SHISA9: variants seen among roughly 807,000 people sequenced by gnomAD.
SHISA9 encodes the protein protein shisa-9.
A neutral mutation model predicts 38.0 loss-of-function variants in SHISA9; 13 were observed. The observed-to-expected ratio is 0.34, with a 90% confidence interval of 0.22 to 0.54. The LOEUF is 0.54. Ranked by LOEUF, SHISA9 falls within the 20% of genes least tolerant of loss-of-function variation. The probability of loss-of-function intolerance (pLI) is 0.91; values close to 1 mark genes in which losing one functional copy is unlikely to be tolerated. For synonymous variants in SHISA9, 275 were observed against 242.0 expected, an observed-to-expected ratio of 1.14 and a Z score of -1.27; for missense variants, 538 against 575.8, an observed-to-expected ratio of 0.93 and a Z score of 0.67.
chr16:13,207,971 A>C (rs2051082082), intron 3 of SHISA9, among the ~76,000 whole-genome samples: 1 of 152,206 alleles, frequency 6.6e-6, no homozygotes, highest in South Asian at 2.1e-4. Context: ...AATCTTTAGC[A>C]TTCACTGGTA....
At chr16:12,945,226 C>T (rs368573798) in intron 2 of SHISA9, among the ~76,000 whole-genome samples, 1 of 152,016 alleles carries the variant, frequency 6.6e-6, no homozygotes, top group Non-Finnish European at 1.5e-5. Context: ...GTTGAAGGAT[C>T]GCTATAGGGA....
intron 2 of SHISA9, among the ~76,000 whole-genome samples, chr16:13,007,498 A>C (rs1440344729): frequency 6.6e-6 from 1 of 152,146 alleles, no homozygotes; most frequent in East Asian, 1.9e-4. Flanking sequence ...TATCCACTGC[A>C]ACTTATCTCT....
At chr16:12,970,233 A>T (rs2072036974) in intron 2 of SHISA9, among the ~76,000 whole-genome samples, 1 of 145,766 alleles carries the variant, frequency 6.9e-6, no homozygotes, top group Non-Finnish European at 1.5e-5. Context: ...ACATGGATGT[A>T]TTGTGTAGTG....
chr16:12,903,257 C>T (rs80345602), intron 1 of SHISA9, among the ~76,000 whole-genome samples: 3,063 of 152,292 alleles, frequency 0.02, 109 homozygotes, highest in African/African-American at 0.07. Flanking sequence ...CGCCCCTTTA[C>T]CCACCTCATC....
intron 2 of SHISA9, among the ~76,000 whole-genome samples, chr16:12,955,969 C>A (rs963019327): frequency 6.6e-6 from 1 of 152,134 alleles, no homozygotes; most frequent in Non-Finnish European, 1.5e-5. Context: ...AGTACACAGA[C>A]AACCTACAGA....
At chr16:13,334,940 T>G in the SHISA9 span, among the ~76,000 whole-genome samples, 1 of 152,182 alleles carries the variant, frequency 6.6e-6, no homozygotes, top group South Asian at 2.1e-4. Flanking sequence ...GCACACCACT[T>G]CCAGTTTATG....
chr16:13,467,688 ATATTC>A, the SHISA9 span, among the ~76,000 whole-genome samples: 2 of 152,176 alleles, frequency 1.3e-5, no homozygotes, highest in South Asian at 4.1e-4. Flanking sequence ...ATCTCTAATG[ATATTC>A]TCCAGAATTG....
chr16:12,912,361 C>T (rs1272613639), intron 1 of SHISA9, among the ~76,000 whole-genome samples: 1 of 152,174 alleles, frequency 6.6e-6, no homozygotes, highest in African/African-American at 2.4e-5. Context: ...CTGCGGATGG[C>T]AGAACCGACC....
intron 2 of SHISA9, among the ~76,000 whole-genome samples, chr16:12,980,203 G>A (rs1454452620): frequency 1.3e-5 from 2 of 152,134 alleles, no homozygotes; most frequent in Non-Finnish European, 2.9e-5. Flanking sequence ...ATATGCATCT[G>A]TACATCTGGT....
At chr16:13,540,430 T>C in the SHISA9 span, among the ~76,000 whole-genome samples, 4 of 152,138 alleles carry the variant, frequency 2.6e-5, no homozygotes, top group Non-Finnish European at 5.9e-5. Context: ...ATACCCCAGC[T>C]CCCTTTCCCA....
At chr16:13,332,224 T>C in the SHISA9 span, among the ~76,000 whole-genome samples, 1 of 152,182 alleles carries the variant, frequency 6.6e-6, no homozygotes, top group Non-Finnish European at 1.5e-5. Flanking sequence ...GTCCTGGTTT[T>C]CCTGGAACTC....
At chr16:12,960,094 C>T (rs11648064) in intron 2 of SHISA9, among the ~76,000 whole-genome samples, 29,333 of 152,042 alleles carry the variant, frequency 0.19, 3,479 homozygotes, top group Middle Eastern at 0.35. Context: ...TGTTTACTTG[C>T]GTGGTGTGCT....
intron 2 of SHISA9, among the ~76,000 whole-genome samples, chr16:13,104,556 G>A (rs1026052825): frequency 6.6e-6 from 1 of 152,148 alleles, no homozygotes. Flanking sequence ...CTACAACATG[G>A]GTGATCCTCA....
At chr16:13,151,041 T>C (rs1196268035) in intron 2 of SHISA9, among the ~76,000 whole-genome samples, 1 of 152,186 alleles carries the variant, frequency 6.6e-6, no homozygotes, top group Admixed American at 6.5e-5. Flanking sequence ...TTTCTTCTTA[T>C]ATTATCATTA....
the SHISA9 span, among the ~76,000 whole-genome samples, chr16:13,462,857 G>C: frequency 2.6e-5 from 4 of 152,100 alleles, no homozygotes; most frequent in Non-Finnish European, 5.9e-5. Flanking sequence ...AGCTACTCAG[G>C]AGGCCGAGGC....
chr16:13,187,341 T>C (rs1436770824), intron 2 of SHISA9, among the ~76,000 whole-genome samples: 65 of 145,838 alleles, frequency 4.5e-4, no homozygotes, highest in Non-Finnish European at 7.6e-4. Context: ...TTTTTTTTTT[T>C]TTTTTTTTTT....
chr16:13,448,667 G>C, the SHISA9 span, among the ~76,000 whole-genome samples: 11 of 152,192 alleles, frequency 7.2e-5, no homozygotes, highest in African/African-American at 1.4e-4. Flanking sequence ...TTCTGAGGTC[G>C]CCTATTCAGA....
the SHISA9 span, among the ~76,000 whole-genome samples, chr16:13,520,044 CT>C: frequency 1.3e-5 from 2 of 152,148 alleles, no homozygotes; most frequent in African/African-American, 4.8e-5. Flanking sequence ...GGCCCAGAAA[CT>C]CCAGGGCCAT....
chr16:13,402,991 G>A, the SHISA9 span, among the ~76,000 whole-genome samples: 11 of 152,080 alleles, frequency 7.2e-5, no homozygotes, highest in South Asian at 4.2e-4. Flanking sequence ...GGTGGCGTGC[G>A]CCTGTAGTCC....
Sources: allele counts gnomAD v4.1 joint callset (sites outside exome capture counted in the v4.1 genomes callset), GRCh38; gene constraint gnomAD v4.1.1; transcripts MANE v1.5; gene names NCBI Gene and HGNC (gene_info 2026-07-23, HGNC 2026-07-21).